Variants in UNC93A observed in about 807,000 individuals in gnomAD.
The protein encoded by UNC93A is unc-93 homolog A, also known as N-acetylglucosamine transporter UNC93A.
In UNC93A, 43 loss-of-function variants were observed where a neutral mutation model predicts 47.5. That is an observed-to-expected ratio of 0.91 (90% CI 0.71 to 1.17). The LOEUF is 1.17. UNC93A is among the 50% of genes most tolerant of loss of function. UNC93A has a pLI of 0.00. For synonymous variants in UNC93A, 280 were observed against 258.0 expected (o/e 1.09, Z -0.82); for missense variants, 605 against 577.6 (o/e 1.05, Z -0.49).
intron 3 of UNC93A, 64 bp from the exon 4 acceptor site, chr6:167,297,881 C>A: frequency 6.3e-7 from 1 of 1,583,132 alleles, no homozygotes. Context: ...TTTGATTTCT[C>A]AAGAACCTAC....
chr6:167,299,132 ACACAC>A (rs1562353084), intron 4 of UNC93A, among the ~76,000 whole-genome samples: 1 of 88,094 alleles, frequency 1.1e-5, no homozygotes, highest in African/African-American at 8.1e-5. Flanking sequence ...AAAAAAAAAT[ACACAC>A]ACACACACAC....
chr6:167,304,220 T>A (rs2115159244), intron 5 of UNC93A, 87 bp downstream of exon 5: 3 of 1,456,600 alleles, frequency 2.1e-6, no homozygotes, highest in South Asian at 2.4e-5. Context: ...CCGCAGAGTG[T>A]CTCAGGCCAC....
rs113671455 is a variant in UNC93A, at chr6:167,297,841, C to T, written c.500-104C>T. ...ACGTGACCTGTAGTGATGCCTCCCCCCAGGTGTCCAATGTCCTTTCCACTG... is the reference window on the plus strand; with the variant it reads ...ACGTGACCTGTAGTGATGCCTCCCCTCAGGTGTCCAATGTCCTTTCCACTG... On this transcript the variant is annotated intron_variant, in intron 3 of 7. Coordinates refer to ENST00000230256, the MANE Select transcript of UNC93A (RefSeq NM_018974.4). 6.2e-6 allele frequency: 9 copies of T among 1,441,328 alleles called. No individual in the cohort carries two copies. In the African/African-American group the frequency reaches 1.1e-4, roughly 18 times the overall value. 89.3% of individuals were successfully genotyped at this position (1,441,328 alleles called of 1,614,324 possible).
intron 4 of UNC93A, among the ~76,000 whole-genome samples, chr6:167,302,938 C>T (rs575527363): frequency 5.2e-4 from 79 of 152,294 alleles, no homozygotes; most frequent in African/African-American, 1.5e-3. Flanking sequence ...CTGCTCACCC[C>T]GCCCAGGCTG....
rs1464283218 is a variant in UNC93A at position 167,307,867 on chromosome 6, C to T, written c.1065C>T (p.Gly355=). Residue 355 remains glycine (G), a synonymous_variant, in exon 7 of 8, where the codon GGC becomes GGT. Coordinates refer to ENST00000230256, the MANE Select transcript of UNC93A (RefSeq NM_018974.4). The stretch of plus-strand genomic sequence containing the variant: ...TGGCAGTGTTCTTCGTATTCTCTGG[C>T]CTGTGGGGCGTGGCAGATGCCGTCT... ...DHLAVFFVFS[G]LWGVADAVWQ... The T allele has an allele frequency of 1.2e-6, 2 of 1,614,050 alleles. No individual in the cohort carries two copies. Among genetic ancestry groups the T allele is most frequent in the Admixed American group, 3.3e-5 (2 of 60,026 alleles).
intron 1 of UNC93A, among the ~76,000 whole-genome samples, chr6:167,292,817 G>C (rs1368966867): frequency 6.6e-6 from 1 of 152,210 alleles, no homozygotes; most frequent in Non-Finnish European, 1.5e-5. Flanking sequence ...GGACTGGTCA[G>C]TAGCCCTTTC....
In UNC93A at chr6:167,297,973, C is replaced by T; in HGVS notation, c.528C>T (p.Ser176=). 6.2e-7 allele frequency: 1 copy of T among 1,614,112 alleles called. No homozygotes were observed. Among genetic ancestry groups the T allele is most frequent in the South Asian group, 1.1e-5 (1 of 91,078 alleles). Residue 176 remains serine, a synonymous_variant, in exon 4 of 8, where the codon TCC becomes TCT. Coordinates refer to ENST00000230256, the MANE Select transcript of UNC93A (RefSeq NM_018974.4). Reference sequence around the variant, plus strand: ...CCCTTCCAGAAGAGCAGCTCACGTCCTGTGGGGCCAGTGACTGCCTGATGG... The same window carrying T: ...CCCTTCCAGAAGAGCAGCTCACGTCTTGTGGGGCCAGTGACTGCCTGATGG... The part of the protein sequence containing the change: ...QETLPEEQLT[S]CGASDCLMAT...
chr6:167,302,843 C>A (rs1402202896), intron 4 of UNC93A, among the ~76,000 whole-genome samples: 1 of 152,164 alleles, frequency 6.6e-6, no homozygotes, highest in Admixed American at 6.5e-5. Context: ...GTCTGAGAAC[C>A]TTAAGTGGAA....
chr6:167,287,082 C>T (rs971296254), upstream of UNC93A, among the ~76,000 whole-genome samples: 16 of 151,806 alleles, frequency 1.1e-4, no homozygotes, highest in African/African-American at 3.6e-4. Flanking sequence ...GCTGTACAAT[C>T]ACAGCCCGGC....
In UNC93A at chr6:167,291,667, A is replaced by ATCTAATTCACCTGGTGTTTCT; in HGVS notation, c.87+93_87+113dup. 2.4e-6 allele frequency: 3 copies of ATCTAATTCACCTGGTGTTTCT among 1,242,644 alleles called. No individual in the cohort carries two copies. In the South Asian group the frequency reaches 4.3e-5, roughly 18 times the overall value. 77.0% of individuals were successfully genotyped at this position (1,242,644 alleles called of 1,614,324 possible). On this transcript the variant is annotated intron_variant, in intron 1 of 7. Coordinates refer to ENST00000230256, the MANE Select transcript of UNC93A (RefSeq NM_018974.4). ...CAATAATGAATTGGAAATTTGAAAA[A>ATCTAATTCACCTGGTGTTTCT]TCTAATTCACCTGGTGTTTCTTTTT...
At chr6:167,303,803 T>C (rs1488926794) in intron 4 of UNC93A, 116 bp from the exon 5 acceptor site, 1 of 946,360 alleles carries the variant, frequency 1.1e-6, no homozygotes, top group African/African-American at 1.6e-5. Flanking sequence ...GCCTGAAATC[T>C]GGATCTGAAT....
intron 1 of UNC93A, among the ~76,000 whole-genome samples, chr6:167,280,851 GC>G (rs1783620274): frequency 6.6e-6 from 1 of 152,110 alleles, no homozygotes; most frequent in Non-Finnish European, 1.5e-5. Context: ...TACTGAAAAC[GC>G]CCATCAGCAG....
At chr6:167,295,650 C>CGCCTCCCTCGTGATCCTT (rs1554239172) in intron 2 of UNC93A, among the ~76,000 whole-genome samples, 6 of 112,860 alleles carry the variant, frequency 5.3e-5, no homozygotes, top group Non-Finnish European at 1.0e-4. Context: ...TCGTGCTCCT[C>CGCCTCCCTCGTGATCCTT]GCCTCCCTCG....
rs34231081 is a variant in UNC93A at position 167,297,978 on chromosome 6, G to C, written c.533G>C (p.Gly178Ala). The C allele has an allele frequency of 6.2e-7, 1 of 1,614,000 alleles. No homozygotes were observed. The highest frequency in any genetic ancestry group is 1.3e-5 in the African/African-American group (1 of 74,976). ...CCAGAAGAGCAGCTCACGTCCTGTG[G>C]GGCCAGTGACTGCCTGATGGCCACC... ...TLPEEQLTSC[G>A]ASDCLMATTT... The change falls in exon 4 of 8, where the codon GGG becomes GCG. Residue 178 changes from glycine (G) to alanine (A), a missense_variant. Transcript: ENST00000230256.
intron 4 of UNC93A, among the ~76,000 whole-genome samples, chr6:167,299,496 C>G (rs765032147): frequency 2.0e-5 from 3 of 152,184 alleles, no homozygotes; most frequent in Admixed American, 6.5e-5. Context: ...GTACTGAGCA[C>G]GTGCTAGGCC....
At chr6:167,314,520 A>T (rs769222498) in intron 7 of UNC93A, among the ~76,000 whole-genome samples, 7 of 152,196 alleles carry the variant, frequency 4.6e-5, no homozygotes, top group Admixed American at 1.3e-4. Flanking sequence ...GTGGAGCCCC[A>T]AAAGGAGCCC....
intron 1 of UNC93A, among the ~76,000 whole-genome samples, chr6:167,278,621 CGACAGG>C (rs1316333827): frequency 6.6e-6 from 1 of 152,068 alleles, no homozygotes; most frequent in Non-Finnish European, 1.5e-5. Context: ...TGCCTTCCAG[CGACAGG>C]ATGCTACTTA....
In UNC93A at chr6:167,297,976, T is replaced by C; in HGVS notation, c.531T>C (p.Cys177=). ...TTCCAGAAGAGCAGCTCACGTCCTG[T>C]GGGGCCAGTGACTGCCTGATGGCCA... is the stretch of plus-strand genomic sequence containing the variant. ...ETLPEEQLTS[C]GASDCLMATT... is the part of the protein sequence containing the mutation. Residue 177 remains cysteine, a synonymous_variant, in exon 4 of 8, where the codon TGT becomes TGC. Coordinates refer to ENST00000230256, the MANE Select transcript of UNC93A (RefSeq NM_018974.4). The C allele has an allele frequency of 1.1e-5, 17 of 1,614,068 alleles. No homozygotes were observed. The highest frequency in any genetic ancestry group is 1.4e-5 in the Non-Finnish European group (17 of 1,180,006).
upstream of UNC93A, among the ~76,000 whole-genome samples, chr6:167,269,899 G>A (rs1298433667): frequency 6.6e-6 from 1 of 152,118 alleles, no homozygotes; most frequent in Non-Finnish European, 1.5e-5. Context: ...ACAGGCGTGA[G>A]CCACTGGGCC....
Sources: allele counts gnomAD v4.1 joint callset (sites outside exome capture counted in the v4.1 genomes callset), GRCh38; gene constraint gnomAD v4.1.1; transcripts MANE v1.5; gene names NCBI Gene and HGNC (gene_info 2026-07-23, HGNC 2026-07-21).